Variants in ADRA1A observed in about 807,000 individuals in gnomAD.
ADRA1A encodes adrenoceptor alpha 1A.
ADRA1A carries 31 observed loss-of-function variants against 29.6 expected under a neutral mutation model. The observed-to-expected ratio is 1.05, with a 90% CI of 0.79 to 1.41. ADRA1A has a LOEUF of 1.41. ADRA1A is among the 40% of genes most tolerant of loss of function. The pLI, the probability that ADRA1A is intolerant of heterozygous loss-of-function variation, is 0.00. For synonymous variants in ADRA1A, 311 were observed against 254.3 expected (o/e 1.22, Z -2.12); for missense variants, 619 against 601.1 (o/e 1.03, Z -0.31).
intron 2 of ADRA1A, among the ~76,000 whole-genome samples, chr8:26,818,436 TA>T (rs1809915815): frequency 6.6e-6 from 1 of 152,202 alleles, no homozygotes; most frequent in South Asian, 2.1e-4. Context: ...AAATCATTTT[TA>T]AAAAACTGCA....
downstream of ADRA1A, among the ~76,000 whole-genome samples, chr8:26,762,779 A>G (rs1356911879): frequency 6.6e-6 from 1 of 152,168 alleles, no homozygotes; most frequent in African/African-American, 2.4e-5. The surrounding 1 kb of genome is among the most constrained non-coding windows in gnomAD (Gnocchi z 4.0). Context: ...TCCACGCCCC[A>G]TCTCAGAGCT....
chr8:26,750,635 C>T (rs1373282319), intron 2 of ADRA1A, among the ~76,000 whole-genome samples: 2 of 152,224 alleles, frequency 1.3e-5, no homozygotes, highest in East Asian at 3.9e-4. Flanking sequence ...TTTGGAGGGA[C>T]ACAAACATTC....
chr8:26,849,204 A>G (rs150593826), intron 2 of ADRA1A, among the ~76,000 whole-genome samples: 162 of 152,364 alleles, frequency 1.1e-3, no homozygotes, highest in Middle Eastern at 3.4e-3. Flanking sequence ...CTCGGTTCAC[A>G]TCAACAAAAG....
Position 26,769,696 on chromosome 8 carries a change from C to A in ADRA1A, c.*453G>T, listed in dbSNP as rs778657933. ...CATCTTAATGCTCTTCCTCTCTAGG[C>A]CCTCTCCCCATAAATGTCAAATGTG... On this transcript the variant is annotated 3_prime_UTR_variant, in exon 3 of 3. Coordinates refer to ENST00000380573, the MANE Select transcript of ADRA1A (RefSeq NM_000680.4). The A allele has an allele frequency of 4.1e-6, 4 of 987,510 alleles. No homozygotes were observed. The African/African-American group carries it at 7.0e-5, about 17-fold the overall frequency. 61.2% of individuals were successfully genotyped at this position (987,510 alleles called of 1,614,324 possible).
chr8:26,844,198 A>T (rs1812038815), intron 2 of ADRA1A, among the ~76,000 whole-genome samples: 1 of 152,174 alleles, frequency 6.6e-6, no homozygotes, highest in South Asian at 2.1e-4. Context: ...CTGCAACACA[A>T]CGTGTAAAAT....
chr8:26,782,742 C>T (rs1807086704), intron 2 of ADRA1A, among the ~76,000 whole-genome samples: 1 of 152,172 alleles, frequency 6.6e-6, no homozygotes, highest in South Asian at 2.1e-4. Flanking sequence ...CCATCTCTGC[C>T]ACCTGAGCTC....
At chr8:26,765,649 G>C (rs1805735636), downstream of ADRA1A, among the ~76,000 whole-genome samples, 1 of 152,226 alleles carries the variant, frequency 6.6e-6, no homozygotes, top group South Asian at 2.1e-4. Flanking sequence ...TGCCTCCTCT[G>C]CTTTCTTTTC....
chr8:26,832,226 C>T (rs1811030513), intron 2 of ADRA1A, among the ~76,000 whole-genome samples: 1 of 152,222 alleles, frequency 6.6e-6, no homozygotes, highest in South Asian at 2.1e-4. Context: ...GCAGGCTGCT[C>T]TCCTGCCTTG....
At chr8:26,759,645 T>C (rs950897565) in intron 2 of ADRA1A, among the ~76,000 whole-genome samples, 1 of 152,212 alleles carries the variant, frequency 6.6e-6, no homozygotes, top group Non-Finnish European at 1.5e-5. Flanking sequence ...CGAAGTACTC[T>C]GCCCGATGCT....
intron 2 of ADRA1A, among the ~76,000 whole-genome samples, chr8:26,839,521 T>C (rs951259875): frequency 2.0e-5 from 3 of 152,280 alleles, no homozygotes; most frequent in Middle Eastern, 3.4e-3. Flanking sequence ...ACTGTACCTG[T>C]ACAATGATTT....
chr8:26,780,212 G>A (rs1806857949), intron 2 of ADRA1A, among the ~76,000 whole-genome samples: 1 of 152,052 alleles, frequency 6.6e-6, no homozygotes, highest in Non-Finnish European at 1.5e-5. Flanking sequence ...CTCAGGCCAG[G>A]CACTTCCATA....
chr8:26,844,347 T>C (rs1269551005), intron 2 of ADRA1A, among the ~76,000 whole-genome samples: 1 of 152,164 alleles, frequency 6.6e-6, no homozygotes, highest in Non-Finnish European at 1.5e-5. Context: ...AATACAGACA[T>C]TGTGTACCTG....
intron 2 of ADRA1A, among the ~76,000 whole-genome samples, chr8:26,852,537 C>T (rs947658330): frequency 1.3e-5 from 2 of 152,076 alleles, no homozygotes; most frequent in Admixed American, 6.5e-5. Context: ...TAAAAAGTTA[C>T]AGAATTTCAT....
chr8:26,766,329 T>C (rs553638380), downstream of ADRA1A, among the ~76,000 whole-genome samples: 1 of 152,372 alleles, frequency 6.6e-6, no homozygotes, highest in South Asian at 2.1e-4. Flanking sequence ...CATTTTACTG[T>C]TCTTGGCCAA....
Position 26,865,794 on chromosome 8 carries a change from G to T in ADRA1A, c.-686-139C>A. 1.2e-6 allele frequency: 1 copy of T among 835,778 alleles called. No individual in the cohort carries two copies. Among genetic ancestry groups the T allele is most frequent in the Non-Finnish European group, 1.4e-6 (1 of 693,720 alleles). The allele number at this position is 835,778 out of a possible 1,614,324, so 51.8% of individuals were successfully genotyped here. ...CCAGAAGCTGCTTCGCCCGGCAGCG[G>T]TGGAGGCGACTTCGGAGCTCATCTC... On this transcript the variant is annotated intron_variant, in intron 1 of 2. Coordinates refer to ENST00000380573, the MANE Select transcript of ADRA1A (RefSeq NM_000680.4). This position sits in a 1 kb window ranked among gnomAD's most constrained non-coding sequence, Gnocchi z 7.6.
chr8:26,815,944 G>C lies in ADRA1A; in HGVS notation c.884-45278C>G, dbSNP rs947680173. On this transcript the variant is annotated intron_variant, in intron 2 of 2. Coordinates refer to ENST00000380573, the MANE Select transcript of ADRA1A (RefSeq NM_000680.4). This position sits in a 1 kb window ranked among gnomAD's most constrained non-coding sequence, Gnocchi z 4.2. ...GGGCAGGATGAGAAGCAAGGGAGGG[G>C]GCGTGTCCAGGTGCTGCTGGTTGCT... Among the ~76,000 whole-genome samples, 1 of 152,164 alleles carries C rather than the reference G, an allele frequency of 6.6e-6. No individual in the cohort carries two copies. The highest frequency in any genetic ancestry group is 2.4e-5 in the African/African-American group (1 of 41,446).
intron 2 of ADRA1A, chr8:26,858,978 T>G: frequency 6.3e-6 from 7 of 1,110,056 alleles, no homozygotes; most frequent in Non-Finnish European, 7.9e-6. Context: ...AAAGGGAACG[T>G]GAGACTTCTC....
chr8:26,866,702 C>T lies in ADRA1A; in HGVS notation c.-687+234G>A, dbSNP rs1230410744. On this transcript the variant is annotated intron_variant, in intron 1 of 2. Transcript: ENST00000380573. This position sits in a 1 kb window ranked among gnomAD's most constrained non-coding sequence, Gnocchi z 5.7. Reference sequence around the variant, plus strand: ...TTAAAAACGTGCCACTGCAGAAACCCTTTTCCTCCTACCTCGAGGGTGATA... The same window carrying T: ...TTAAAAACGTGCCACTGCAGAAACCTTTTTCCTCCTACCTCGAGGGTGATA... Among the ~76,000 whole-genome samples, 1 of 152,206 alleles carries T rather than the reference C, an allele frequency of 6.6e-6. No individual in the cohort carries two copies. The highest frequency in any genetic ancestry group is 1.5e-5 in the Non-Finnish European group (1 of 68,040).
chr8:26,791,903 C>G (rs1322719262), intron 2 of ADRA1A, among the ~76,000 whole-genome samples: 1 of 152,136 alleles, frequency 6.6e-6, no homozygotes, highest in East Asian at 1.9e-4. Context: ...TCCCTACTTC[C>G]CAATATCCCT....
Sources: gnomAD v4.1 joint callset for allele counts (sites outside exome capture counted in the v4.1 genomes callset) on GRCh38, gnomAD v4.1.1 for gene constraint, Gnocchi (gnomAD v3.1) non-coding constraint, MANE v1.5 for transcripts, NCBI Gene and HGNC (gene_info 2026-07-23, HGNC 2026-07-21) for gene names.